The following TMEM178B variants were observed in gnomAD, a reference collection of about 807,000 sequenced individuals.
TMEM178B encodes the protein transmembrane protein 178B.
In TMEM178B, 5 loss-of-function variants were observed where a neutral mutation model predicts 31.0. That is an observed-to-expected ratio of 0.16 (90% CI 0.08 to 0.34). The LOEUF (loss-of-function observed/expected upper bound fraction) is 0.34. TMEM178B is among the 10% of genes least tolerant of loss of function. The probability of loss-of-function intolerance (pLI) is 1.00; values close to 1 mark genes in which losing one functional copy is unlikely to be tolerated. For missense variants in TMEM178B, 275 were observed against 400.3 expected (o/e 0.69, Z 2.67); for synonymous variants, 164 against 164.0 (o/e 1.00, Z 0.00).
At chr7:141,401,715 C>CT (rs1365829730) in intron 2 of TMEM178B, among the ~76,000 whole-genome samples, 4 of 152,116 alleles carry the variant, frequency 2.6e-5, no homozygotes, top group Non-Finnish European at 4.4e-5. Context: ...CTGCAGTTAT[C>CT]TTTTTTACAG....
At chr7:141,213,957 A>T (rs1322100997) in intron 2 of TMEM178B, among the ~76,000 whole-genome samples, 1 of 152,238 alleles carries the variant, frequency 6.6e-6, no homozygotes, top group Non-Finnish European at 1.5e-5. Context: ...GACACTAAGC[A>T]GCACATGGGG....
At chr7:141,485,679 T>C in the TMEM178B span, among the ~76,000 whole-genome samples, 1 of 152,222 alleles carries the variant, frequency 6.6e-6, no homozygotes, top group African/African-American at 2.4e-5. Flanking sequence ...TTCTGTGGAA[T>C]AGCACTTTGA....
chr7:141,124,008 G>A (rs1210096153), intron 1 of TMEM178B, among the ~76,000 whole-genome samples: 1 of 152,136 alleles, frequency 6.6e-6, no homozygotes, highest in Non-Finnish European at 1.5e-5. Context: ...GCCCTCATCG[G>A]CCTCCCAAAG....
intron 1 of TMEM178B, among the ~76,000 whole-genome samples, chr7:141,128,635 G>A (rs1283819737): frequency 1.3e-5 from 2 of 152,030 alleles, no homozygotes; most frequent in African/African-American, 4.8e-5. Flanking sequence ...AATAGTGCAT[G>A]GGGTTAACTC....
rs1802316954 is a variant in TMEM178B, at chr7:141,474,300, TCAC to T, written c.*3515_*3517del. ...CTGTTTCCGTTTCCTCTCTCTCTAC[TCAC>T]TCCTACTTTCTCCTGCATCAACTTT... On this transcript the variant is annotated 3_prime_UTR_variant, in exon 4 of 4. Coordinates refer to ENST00000565468, the MANE Select transcript of TMEM178B (RefSeq NM_001195278.2). 1 of 152,184 alleles carries T rather than the reference TCAC, an allele frequency of 6.6e-6. No individual in the cohort carries two copies. The highest frequency in any genetic ancestry group is 2.1e-4 in the South Asian group (1 of 4,830). 9.4% of individuals were successfully genotyped at this position (152,184 alleles called of 1,614,324 possible).
At chr7:141,125,404 C>CTCACACCTGTAAGCCCGGCGCT (rs1795474797) in intron 1 of TMEM178B, among the ~76,000 whole-genome samples, 1 of 151,864 alleles carries the variant, frequency 6.6e-6, no homozygotes. Flanking sequence ...AGCCCGGCGC[C>CTCACACCTGTAAGCCCGGCGCT]GGATGTGGTG....
chr7:141,435,583 G>A (rs762445493), intron 2 of TMEM178B, among the ~76,000 whole-genome samples: 4 of 152,190 alleles, frequency 2.6e-5, no homozygotes, highest in Non-Finnish European at 5.9e-5. Flanking sequence ...TTGGGGAGAT[G>A]GAGGGAGAGG....
chr7:141,133,988 G>A (rs1795634821), intron 1 of TMEM178B, among the ~76,000 whole-genome samples: 1 of 152,118 alleles, frequency 6.6e-6, no homozygotes, highest in African/African-American at 2.4e-5. Flanking sequence ...TAATCCTAGT[G>A]TTTTGAGAGG....
chr7:141,403,798 A>G (rs1800830472), intron 2 of TMEM178B, among the ~76,000 whole-genome samples: 1 of 152,238 alleles, frequency 6.6e-6, no homozygotes. Flanking sequence ...GGTCATGAGT[A>G]GTTATTACAG....
chr7:141,127,611 T>C (rs1229703677), intron 1 of TMEM178B, among the ~76,000 whole-genome samples: 1 of 152,184 alleles, frequency 6.6e-6, no homozygotes, highest in African/African-American at 2.4e-5. Flanking sequence ...CCCTACAGCC[T>C]CTGGAAGGAG....
intron 2 of TMEM178B, among the ~76,000 whole-genome samples, chr7:141,262,986 AT>A (rs1344403246): frequency 6.6e-6 from 1 of 151,976 alleles, no homozygotes; most frequent in East Asian, 1.9e-4. Flanking sequence ...GAGGCTTTCC[AT>A]TTCCACTGGT....
In TMEM178B at chr7:141,099,278, C is replaced by T. The variant is rs1004673010; in HGVS notation, c.382+24586C>T. 8.5e-5 allele frequency among the ~76,000 whole-genome samples: 13 copies of T among 152,304 alleles called. No individual in the cohort carries two copies. In the East Asian group the frequency reaches 2.1e-3, roughly 25 times the overall value. On this transcript the variant is annotated intron_variant, in intron 1 of 3. Transcript: ENST00000565468. ...CAATTCCTGGCCCTTCCCAGGAGAA[C>T]ATGCTACAGATATGGAGACTAAGCT...
intron 2 of TMEM178B, among the ~76,000 whole-genome samples, chr7:141,433,078 A>G (rs1225587112): frequency 2.0e-5 from 3 of 152,230 alleles, no homozygotes; most frequent in Admixed American, 1.3e-4. Context: ...AGGGTGCTGT[A>G]GTGAACTTCA....
the TMEM178B span, among the ~76,000 whole-genome samples, chr7:141,508,098 A>G: frequency 1.3e-5 from 2 of 152,276 alleles, no homozygotes; most frequent in Admixed American, 6.5e-5. Context: ...TGCTTCCCTT[A>G]CAAAACTGAA....
At chr7:141,113,357 G>A (rs1795265641) in intron 1 of TMEM178B, among the ~76,000 whole-genome samples, 1 of 152,160 alleles carries the variant, frequency 6.6e-6, no homozygotes, top group East Asian at 1.9e-4. Context: ...GAGATCCTGA[G>A]TCTCCACATC....
chr7:141,170,130 G>T (rs1474851697), intron 1 of TMEM178B, among the ~76,000 whole-genome samples: 1 of 152,066 alleles, frequency 6.6e-6, no homozygotes, highest in Admixed American at 6.6e-5. Context: ...AAATTCTTTG[G>T]GTTCTCTCCT....
intron 1 of TMEM178B, among the ~76,000 whole-genome samples, chr7:141,082,354 G>A (rs1300466711): frequency 1.3e-5 from 2 of 152,182 alleles, no homozygotes; most frequent in African/African-American, 2.4e-5. Context: ...TAGAGGGCAG[G>A]AACTGTTTAA....
At chr7:141,321,458 C>T (rs1366748146) in intron 2 of TMEM178B, among the ~76,000 whole-genome samples, 1 of 152,172 alleles carries the variant, frequency 6.6e-6, no homozygotes, top group East Asian at 1.9e-4. Flanking sequence ...TGAAACTAGA[C>T]TTCTCAAGGA....
intron 2 of TMEM178B, among the ~76,000 whole-genome samples, chr7:141,356,523 TGA>T (rs1234332395): frequency 6.6e-6 from 1 of 152,064 alleles, no homozygotes; most frequent in African/African-American, 2.4e-5. Flanking sequence ...TGTAGTCTTC[TGA>T]GAAATCTGTT....
Sources: allele counts gnomAD v4.1 joint callset (sites outside exome capture counted in the v4.1 genomes callset), GRCh38; gene constraint gnomAD v4.1.1; transcripts MANE v1.5; gene names NCBI Gene and HGNC (gene_info 2026-07-23, HGNC 2026-07-21).